Variants in METAP1D observed in about 807,000 individuals in gnomAD.
METAP1D encodes the protein methionine aminopeptidase 1D, mitochondrial.
In METAP1D, 31 loss-of-function variants were observed where a neutral mutation model predicts 40.5. That is an observed-to-expected ratio of 0.77 (90% CI 0.58 to 1.03). The LOEUF (loss-of-function observed/expected upper bound fraction) is 1.03. Ranked by LOEUF, METAP1D falls within the 50% of genes least tolerant of loss-of-function variation. The probability of loss-of-function intolerance (pLI) is 0.00; values close to 1 mark genes in which losing one functional copy is unlikely to be tolerated. For synonymous variants in METAP1D, 151 were observed against 146.4 expected, an observed-to-expected ratio of 1.03 and a Z score of -0.22; for missense variants, 411 against 420.7, an observed-to-expected ratio of 0.98 and a Z score of 0.20.
At chr2:172,062,868 T>A (rs1690170216) in intron 2 of METAP1D, among the ~76,000 whole-genome samples, 1 of 152,234 alleles carries the variant, frequency 6.6e-6, no homozygotes, top group Non-Finnish European at 1.5e-5. Flanking sequence ...TCCCTCAGCT[T>A]CCTGTCCCAA....
At chr2:172,077,962 C>T (rs1559023391) in intron 7 of METAP1D, 68 bp downstream of exon 7, 5 of 837,198 alleles carry the variant, frequency 6.0e-6, no homozygotes, top group Non-Finnish European at 9.9e-6. Flanking sequence ...GACCCTGAAG[C>T]TCTTCCTCTG....
intron 1 of METAP1D, among the ~76,000 whole-genome samples, chr2:172,024,537 G>GA (rs1308797209): frequency 6.6e-6 from 1 of 151,874 alleles, no homozygotes; most frequent in Admixed American, 6.6e-5. Context: ...CCCTAACCAT[G>GA]AAAAAAGACA....
At chr2:172,052,420 G>A (rs1181880626) in intron 1 of METAP1D, among the ~76,000 whole-genome samples, 1 of 152,174 alleles carries the variant, frequency 6.6e-6, no homozygotes, top group African/African-American at 2.4e-5. Context: ...CTTGTTTCCT[G>A]TAAGTTCAAT....
intron 1 of METAP1D, among the ~76,000 whole-genome samples, chr2:172,020,788 G>A (rs966690793): frequency 6.6e-6 from 1 of 152,150 alleles, no homozygotes; most frequent in African/African-American, 2.4e-5. Context: ...ACTAGAGAGA[G>A]TAATTTTTAA....
chr2:172,011,285 C>CTTT (rs367971854), intron 1 of METAP1D, among the ~76,000 whole-genome samples: 2 of 135,356 alleles, frequency 1.5e-5, no homozygotes, highest in Admixed American at 7.5e-5. Flanking sequence ...CTTTCTGTTT[C>CTTT]TTTTTTTTTT....
chr2:172,016,632 AAAAG>A (rs1191203478), intron 1 of METAP1D, among the ~76,000 whole-genome samples: 3 of 151,560 alleles, frequency 2.0e-5, no homozygotes, highest in African/African-American at 4.8e-5. Flanking sequence ...ACCCCCCCAA[AAAAG>A]AAAGAAAGAA....
At position 172,037,295 on chromosome 2, in the gene METAP1D, G is replaced by T. The variant is rs1486397419; in HGVS notation, c.41-24203G>T. On this transcript the variant is annotated intron_variant, in intron 1 of 9. Transcript: ENST00000315796. ...AAAAAAAGTCTAGGTTTTACTTGGGGTGTGTGTGTGTGTGTGTGTGTGAAT... is the reference window on the plus strand; with the variant it reads ...AAAAAAAGTCTAGGTTTTACTTGGGTTGTGTGTGTGTGTGTGTGTGTGAAT... Among the ~76,000 whole-genome samples the T allele has an allele frequency of 4.2e-5, 6 of 142,882 alleles. No individual in the cohort carries two copies. In the East Asian group the frequency reaches 1.2e-3, roughly 28 times the overall value. The allele number at this position is 142,882 out of a possible 152,430, so 93.7% of individuals were successfully genotyped here. A position where few individuals can be genotyped will look rare whatever the true frequency, so the allele number is the denominator to read the frequency against.
chr2:172,058,974 C>T (rs557348794), intron 1 of METAP1D, among the ~76,000 whole-genome samples: 1 of 152,290 alleles, frequency 6.6e-6, no homozygotes, highest in South Asian at 2.1e-4. Flanking sequence ...TAGGCCAGTT[C>T]TCAAGCTTCG....
At chr2:172,044,609 A>G (rs1021509364) in intron 1 of METAP1D, among the ~76,000 whole-genome samples, 4 of 132,580 alleles carry the variant, frequency 3.0e-5, no homozygotes, top group African/African-American at 1.0e-4. Context: ...TAAAAATAAA[A>G]TAAGTCAGGT....
At chr2:172,030,318 C>T (rs1205940249) in intron 1 of METAP1D, among the ~76,000 whole-genome samples, 1 of 152,052 alleles carries the variant, frequency 6.6e-6, no homozygotes, top group Non-Finnish European at 1.5e-5. Context: ...TCTCGAACTC[C>T]CGATCTCAGG....
At chr2:172,010,755 T>TC (rs891910987) in intron 1 of METAP1D, among the ~76,000 whole-genome samples, 8 of 150,152 alleles carry the variant, frequency 5.3e-5, no homozygotes, top group Non-Finnish European at 1.0e-4. Context: ...AATGTTTTTT[T>TC]TTTTTTTTTT....
At chr2:172,060,524 C>T (rs62183851) in intron 1 of METAP1D, among the ~76,000 whole-genome samples, 19,808 of 151,888 alleles carry the variant, frequency 0.13, 1,598 homozygotes, top group South Asian at 0.2. Flanking sequence ...TTTATGAGCA[C>T]GTGCAAGCTT....
In METAP1D at chr2:172,036,405, G is replaced by A. The variant is rs1435872013; in HGVS notation, c.41-25093G>A. Among the ~76,000 whole-genome samples the A allele has an allele frequency of 1.4e-3, 186 of 136,190 alleles. 2 individuals carry two copies. Among genetic ancestry groups the A allele is most frequent in the Non-Finnish European group, 2.2e-3 (140 of 63,476 alleles). 89.3% of individuals were successfully genotyped at this position (136,190 alleles called of 152,430 possible). The stretch of plus-strand genomic sequence containing the variant: ...CCACCTTTTTCTTTTTTTTTTTGTC[G>A]CCCAGGCTGAAGTGCAGTGGCGTGA... On this transcript the variant is annotated intron_variant, in intron 1 of 9. Coordinates refer to ENST00000315796, the MANE Select transcript of METAP1D (RefSeq NM_199227.3).
chr2:172,045,279 A>G lies in METAP1D; in HGVS notation c.41-16219A>G, dbSNP rs190993501. ...AAAGCAAAAAAATCAAACCAAAACA[A>G]AAAGGACCTACCAAAATGCTCATCA... On this transcript the variant is annotated intron_variant, in intron 1 of 9. Coordinates refer to ENST00000315796, the MANE Select transcript of METAP1D (RefSeq NM_199227.3). Among the ~76,000 whole-genome samples the G allele has an allele frequency of 9.7e-5, 13 of 134,272 alleles. 2 individuals are homozygous for G. The East Asian group carries it at 1.4e-3, about 14-fold the overall frequency. 88.1% of individuals were successfully genotyped at this position (134,272 alleles called of 152,430 possible). A position where few individuals can be genotyped will look rare whatever the true frequency, so the allele number is the denominator to read the frequency against.
chr2:172,071,173 C>A, intron 6 of METAP1D, 103 bp downstream of exon 6: 1 of 1,025,754 alleles, frequency 9.7e-7, no homozygotes, highest in Non-Finnish European at 1.3e-6. Flanking sequence ...TCAGAACCAT[C>A]ATTTCAGTCT....
intron 1 of METAP1D, among the ~76,000 whole-genome samples, chr2:172,024,748 T>TTGTGTGTGTGTGTGTGTGTA (rs1166247713): frequency 3.0e-5 from 2 of 66,570 alleles, no homozygotes; most frequent in Non-Finnish European, 8.6e-5. Context: ...GACATATAGA[T>TTGTGTGTGTGTGTGTGTGTA]TGTGTGTGTG....
chr2:172,055,761 T>A (rs1664517731), intron 1 of METAP1D, among the ~76,000 whole-genome samples: 1 of 152,210 alleles, frequency 6.6e-6, no homozygotes, highest in East Asian at 1.9e-4. Context: ...TCGTTTCAAA[T>A]ACAAAAGTGT....
At chr2:172,019,179 C>T (rs1447574153) in intron 1 of METAP1D, among the ~76,000 whole-genome samples, 1 of 152,070 alleles carries the variant, frequency 6.6e-6, no homozygotes, top group Non-Finnish European at 1.5e-5. Context: ...CAGTGAGAAC[C>T]CATCTCTACA....
intron 5 of METAP1D, among the ~76,000 whole-genome samples, chr2:172,070,442 CATT>C (rs2105490341): frequency 6.6e-6 from 1 of 152,256 alleles, no homozygotes; most frequent in South Asian, 2.1e-4. Context: ...TTCTTCTTGT[CATT>C]ATATATCACT....
Sources: gnomAD v4.1 joint callset for allele counts (sites outside exome capture counted in the v4.1 genomes callset) on GRCh38, gnomAD v4.1.1 for gene constraint, MANE v1.5 for transcripts, NCBI Gene and HGNC (gene_info 2026-07-23, HGNC 2026-07-21) for gene names.